Variants in COL22A1 observed in about 807,000 individuals in gnomAD.
The protein encoded by COL22A1 is collagen alpha-1(XXII) chain.
In COL22A1, 221 loss-of-function variants were observed where a neutral mutation model predicts 248.9. The observed-to-expected ratio is 0.89, with a 90% CI of 0.80 to 0.99. The LOEUF is 0.99. COL22A1 is among the 50% of genes least tolerant of loss of function. The probability of loss-of-function intolerance (pLI) is 0.00; values close to 1 mark genes in which losing one functional copy is unlikely to be tolerated. For synonymous variants in COL22A1, 891 were observed against 793.4 expected (o/e 1.12, Z -2.07); for missense variants, 2,240 against 2,179.0 (o/e 1.03, Z -0.56).
At chr8:138,684,529 A>C (rs1826197373) in intron 38 of COL22A1, 60 bp from the exon 39 acceptor site, 2 of 1,224,288 alleles carry the variant, frequency 1.6e-6, no homozygotes, top group Admixed American at 1.7e-5. Flanking sequence ...TGACCCATCC[A>C]CCACGTGCCA....
intron 22 of COL22A1, among the ~76,000 whole-genome samples, chr8:138,739,126 A>G (rs779427774): frequency 2.0e-5 from 3 of 152,156 alleles, no homozygotes; most frequent in Non-Finnish European, 4.4e-5. Context: ...ATCATGTCAC[A>G]TCTCCTTTGC....
At chr8:138,804,985 G>GGA in intron 10 of COL22A1, among the ~76,000 whole-genome samples, 1 of 148,306 alleles carries the variant, frequency 6.7e-6, no homozygotes, top group African/African-American at 2.5e-5. Flanking sequence ...GTGGTGGTGT[G>GGA]TGTGTGATGG....
chr8:138,862,979 G>C (rs1822598156), intron 3 of COL22A1, among the ~76,000 whole-genome samples: 1 of 152,134 alleles, frequency 6.6e-6, no homozygotes, highest in Non-Finnish European at 1.5e-5. Context: ...CAAAGGACCA[G>C]CCATAAGTAA....
intron 23 of COL22A1, among the ~76,000 whole-genome samples, chr8:138,736,024 T>G (rs1198910148): frequency 6.6e-6 from 1 of 152,140 alleles, no homozygotes; most frequent in Admixed American, 6.5e-5. Flanking sequence ...CAGTGACTTG[T>G]GCCCACCTGC....
chr8:138,756,683 T>G (rs1180852962), intron 18 of COL22A1, among the ~76,000 whole-genome samples: 7 of 152,176 alleles, frequency 4.6e-5, no homozygotes, highest in Admixed American at 2.6e-4. Flanking sequence ...TGAAGGCATC[T>G]ATTAGGTCTT....
chr8:138,751,160 C>T (rs577671054), intron 22 of COL22A1, among the ~76,000 whole-genome samples: 4 of 152,086 alleles, frequency 2.6e-5, no homozygotes, highest in African/African-American at 4.8e-5. Flanking sequence ...CTCTGTATAC[C>T]CTCAGCACTG....
chr8:138,668,473 A>G (rs1422750910), intron 41 of COL22A1, among the ~76,000 whole-genome samples: 1 of 152,212 alleles, frequency 6.6e-6, no homozygotes, highest in African/African-American at 2.4e-5. Flanking sequence ...CAGCCATGCT[A>G]TTGGTGTTTT....
chr8:138,664,005 C>T (rs898489333), intron 41 of COL22A1, among the ~76,000 whole-genome samples: 2 of 151,806 alleles, frequency 1.3e-5, no homozygotes, highest in African/African-American at 2.4e-5. Flanking sequence ...GACACCTGGG[C>T]CCAACTCTAC....
intron 56 of COL22A1, among the ~76,000 whole-genome samples, chr8:138,612,313 T>G (rs775009405): frequency 6.6e-6 from 1 of 152,110 alleles, no homozygotes. Context: ...AATGGGATAA[T>G]TTATGCTTTT....
intron 16 of COL22A1, among the ~76,000 whole-genome samples, chr8:138,763,767 G>A (rs936685746): frequency 5.9e-5 from 9 of 152,060 alleles, no homozygotes; most frequent in African/African-American, 9.7e-5. Context: ...TGCACCCTTC[G>A]GGGCTCAGAT....
At chr8:138,664,204 C>CGCGT (rs1554738537) in intron 41 of COL22A1, among the ~76,000 whole-genome samples, 11 of 91,000 alleles carry the variant, frequency 1.2e-4, no homozygotes, top group Non-Finnish European at 1.7e-4. Context: ...TGCGCGCGCG[C>CGCGT]GCGCGCACAC....
chr8:138,829,404 T>TTTTG (rs1554640274), intron 5 of COL22A1, among the ~76,000 whole-genome samples: 1 of 37,214 alleles, frequency 2.7e-5, no homozygotes, highest in East Asian at 8.3e-4. Context: ...TCCTTTCCTG[T>TTTTG]TTTTTTTTTT....
intron 12 of COL22A1, among the ~76,000 whole-genome samples, chr8:138,790,126 T>C (rs1432680178): frequency 6.6e-6 from 1 of 152,142 alleles, no homozygotes; most frequent in East Asian, 1.9e-4. Flanking sequence ...ACTACAGAAA[T>C]TTATTTCTCA....
intron 61 of COL22A1, 110 bp from the exon 62 acceptor site, chr8:138,597,080 G>C (rs1291645931): frequency 8.9e-6 from 7 of 785,960 alleles, no homozygotes; most frequent in Non-Finnish European, 1.3e-5. Flanking sequence ...TACCCACACA[G>C]GGAAGCACAT....
At chr8:138,784,469 T>TC (rs1171654153) in intron 12 of COL22A1, among the ~76,000 whole-genome samples, 1 of 152,052 alleles carries the variant, frequency 6.6e-6, no homozygotes, top group Non-Finnish European at 1.5e-5. Context: ...AGGAGCCACC[T>TC]CCCCTCCCCT....
intron 2 of COL22A1, among the ~76,000 whole-genome samples, chr8:138,880,085 A>C (rs940043811): frequency 1.3e-5 from 2 of 152,242 alleles, no homozygotes; most frequent in African/African-American, 4.8e-5. Context: ...ATGGAAAAGA[A>C]AAAGATGTAT....
At position 138,878,379 on chromosome 8, in the gene COL22A1, G is replaced by A. The variant is rs1159242901; in HGVS notation, c.92-63C>T. On this transcript the variant is annotated intron_variant, in intron 2 of 64. Transcript: ENST00000303045. ...GGCATGGAAAGGACACTGTCCTGGG[G>A]TATACAGGTCACTGGGGTCACACAC... The A allele has an allele frequency of 4.2e-5, 56 of 1,336,864 alleles. No individual in the cohort carries two copies. In the South Asian group the frequency reaches 5.2e-4, roughly 12 times the overall value. The allele number at this position is 1,336,864 out of a possible 1,614,324, so 82.8% of individuals were successfully genotyped here. A position where few individuals can be genotyped will look rare whatever the true frequency, so the allele number is the denominator to read the frequency against.
chr8:138,654,818 A>G (rs1823082078), intron 45 of COL22A1, among the ~76,000 whole-genome samples: 1 of 152,186 alleles, frequency 6.6e-6, no homozygotes, highest in South Asian at 2.1e-4. Context: ...TGGCCGAGTT[A>G]TGTTCAACCT....
At chr8:138,781,051 T>G in intron 12 of COL22A1, 71 bp from the exon 13 acceptor site, 1 of 1,091,406 alleles carries the variant, frequency 9.2e-7, no homozygotes, top group Non-Finnish European at 1.3e-6. Flanking sequence ...GCTAGTGCAG[T>G]GGAGAACGTG....
Sources: gnomAD v4.1 joint callset for allele counts (sites outside exome capture counted in the v4.1 genomes callset) on GRCh38, gnomAD v4.1.1 for gene constraint, MANE v1.5 for transcripts, NCBI Gene and HGNC (gene_info 2026-07-23, HGNC 2026-07-21) for gene names.